Variants in PCDH15 observed in about 807,000 individuals in gnomAD.
The protein encoded by PCDH15 is protocadherin-15.
PCDH15 carries 129 observed loss-of-function variants against 178.5 expected under a neutral mutation model. The ratio of observed to expected loss-of-function variants is 0.72; its 90% CI spans 0.63 to 0.84. The LOEUF is 0.84. PCDH15 is among the 40% of genes least tolerant of loss of function. The probability of loss-of-function intolerance (pLI) is 0.00; values close to 1 mark genes in which losing one functional copy is unlikely to be tolerated. For missense variants in PCDH15, 2,230 were observed against 2,099.9 expected (o/e 1.06, Z -1.21); for synonymous variants, 800 against 732.0 (o/e 1.09, Z -1.50).
At chr10:55,567,959 C>G (rs1472336188) in intron 2 of PCDH15, among the ~76,000 whole-genome samples, 1 of 151,822 alleles carries the variant, frequency 6.6e-6, no homozygotes, top group Non-Finnish European at 1.5e-5. Context: ...CCCTTGTGCA[C>G]TGTTAGTGGG....
chr10:54,534,586 G>A (rs1442995753), intron 2 of PCDH15, among the ~76,000 whole-genome samples: 1 of 152,054 alleles, frequency 6.6e-6, no homozygotes, highest in Non-Finnish European at 1.5e-5. Flanking sequence ...TCTATTATCT[G>A]TTTCGTTATT....
At chr10:55,227,481 G>A (rs1841083557) in intron 1 of PCDH15, among the ~76,000 whole-genome samples, 1 of 151,916 alleles carries the variant, frequency 6.6e-6, no homozygotes. Flanking sequence ...TGATTCCCAG[G>A]ATAACTGCTG....
intron 3 of PCDH15, among the ~76,000 whole-genome samples, chr10:54,495,425 C>G (rs1040959604): frequency 6.6e-6 from 1 of 152,124 alleles, no homozygotes; most frequent in Non-Finnish European, 1.5e-5. Context: ...GTTGTGATAA[C>G]TACATGAGAT....
At chr10:55,154,838 T>G (rs565406985) in intron 2 of PCDH15, among the ~76,000 whole-genome samples, 1 of 152,274 alleles carries the variant, frequency 6.6e-6, no homozygotes, top group South Asian at 2.1e-4. Context: ...GTAAATAAGT[T>G]AGTGTATCAG....
chr10:54,468,692 TTTC>T (rs2077692129), intron 3 of PCDH15, among the ~76,000 whole-genome samples: 1 of 152,256 alleles, frequency 6.6e-6, no homozygotes, highest in Admixed American at 6.5e-5. Flanking sequence ...AAAGGCAATG[TTTC>T]TTTTTTGATG....
At chr10:54,814,118 T>G (rs555498046) in intron 3 of PCDH15, among the ~76,000 whole-genome samples, 4 of 152,314 alleles carry the variant, frequency 2.6e-5, no homozygotes, top group Non-Finnish European at 5.9e-5. Flanking sequence ...CCTGACAAAT[T>G]AAACTTTATA....
chr10:54,528,329 C>G (rs2083560600), intron 2 of PCDH15: 3 of 1,469,838 alleles, frequency 2.0e-6, no homozygotes, highest in Non-Finnish European at 1.9e-6. Flanking sequence ...GAGAATAAAA[C>G]AAAGACAGAC....
intron 1 of PCDH15, among the ~76,000 whole-genome samples, chr10:54,719,184 C>T (rs2095516150): frequency 6.6e-6 from 1 of 151,458 alleles, no homozygotes; most frequent in South Asian, 2.1e-4. Flanking sequence ...AACAGAATTT[C>T]TAGAAATAAA....
chr10:53,928,953 C>A (rs1484956906), intron 25 of PCDH15, among the ~76,000 whole-genome samples: 1 of 151,960 alleles, frequency 6.6e-6, no homozygotes, highest in African/African-American at 2.4e-5. Context: ...CAGGCTTATT[C>A]TTAGGTATAA....
intron 2 of PCDH15, among the ~76,000 whole-genome samples, chr10:55,587,435 T>C (rs1296725438): frequency 6.6e-6 from 1 of 151,798 alleles, no homozygotes; most frequent in African/African-American, 2.4e-5. Flanking sequence ...CGGAAAAATA[T>C]ATATTTTTAG....
At chr10:53,980,677 C>A (rs1289117537) in intron 21 of PCDH15, among the ~76,000 whole-genome samples, 1 of 152,156 alleles carries the variant, frequency 6.6e-6, no homozygotes, top group African/African-American at 2.4e-5. Flanking sequence ...AATAGTTCTT[C>A]TTATTCCTAT....
chr10:54,455,990 G>A (rs1024994619), intron 3 of PCDH15, among the ~76,000 whole-genome samples: 3 of 152,216 alleles, frequency 2.0e-5, no homozygotes, highest in South Asian at 2.1e-4. Flanking sequence ...GTGAACCTCT[G>A]TCTAGATTTC....
At chr10:54,930,452 T>C (rs1305866989) in intron 2 of PCDH15, among the ~76,000 whole-genome samples, 1 of 152,146 alleles carries the variant, frequency 6.6e-6, no homozygotes, top group Non-Finnish European at 1.5e-5. Flanking sequence ...TTATTGTGTG[T>C]TTGCATCCTT....
chr10:54,429,510 A>C (rs1956700003), intron 3 of PCDH15, among the ~76,000 whole-genome samples: 1 of 152,176 alleles, frequency 6.6e-6, no homozygotes, highest in Non-Finnish European at 1.5e-5. Context: ...AATGGACTAA[A>C]TGCTTCAATC....
At chr10:55,050,737 A>T (rs1202859036) in intron 2 of PCDH15, among the ~76,000 whole-genome samples, 1 of 152,094 alleles carries the variant, frequency 6.6e-6, no homozygotes, top group African/African-American at 2.4e-5. Context: ...AAAAGGAATA[A>T]CTGGCAGTTC....
intron 2 of PCDH15, among the ~76,000 whole-genome samples, chr10:54,623,760 C>T (rs2093459775): frequency 6.6e-6 from 1 of 151,948 alleles, no homozygotes; most frequent in Non-Finnish European, 1.5e-5. Flanking sequence ...GTTTCCAAAC[C>T]ATTAAAATTT....
intron 2 of PCDH15, among the ~76,000 whole-genome samples, chr10:54,958,981 A>T (rs375369819): frequency 6.6e-6 from 1 of 152,044 alleles, no homozygotes; most frequent in African/African-American, 2.4e-5. Flanking sequence ...CTATACAAAT[A>T]CAACCTTTTA....
intron 2 of PCDH15, among the ~76,000 whole-genome samples, chr10:55,570,041 CT>C (rs908761424): frequency 2.6e-5 from 4 of 151,860 alleles, no homozygotes; most frequent in African/African-American, 7.2e-5. Context: ...CAAAATAGAG[CT>C]TTTTTTTCTC....
chr10:54,868,335 G>T (rs185220003), intron 3 of PCDH15, among the ~76,000 whole-genome samples: 28 of 152,180 alleles, frequency 1.8e-4, no homozygotes, highest in East Asian at 1.4e-3. Flanking sequence ...TGATGACTAC[G>T]CATAAGCACC....
Sources: allele counts gnomAD v4.1 joint callset (sites outside exome capture counted in the v4.1 genomes callset), GRCh38; gene constraint gnomAD v4.1.1; transcripts MANE v1.5; gene names NCBI Gene and HGNC (gene_info 2026-07-23, HGNC 2026-07-21).